WDR45B: variants seen among roughly 807,000 people sequenced by gnomAD.
WDR45B encodes WD repeat domain 45B, also known as WD repeat domain phosphoinositide-interacting protein 3.
Under a neutral mutation model 44.6 loss-of-function variants are expected in WDR45B, and 20 were observed. That is an observed-to-expected ratio of 0.45 (90% CI 0.32 to 0.65). WDR45B has a LOEUF of 0.65. Among genes scored for constraint, WDR45B ranks in the 30% least tolerant of loss-of-function variants. The probability of loss-of-function intolerance (pLI) is 0.05; values close to 1 mark genes in which losing one functional copy is unlikely to be tolerated. For missense variants in WDR45B, 323 were observed against 430.2 expected (o/e 0.75, Z 2.20); for synonymous variants, 169 against 164.9 (o/e 1.02, Z -0.19).
intron 6 of WDR45B, among the ~76,000 whole-genome samples, chr17:82,621,273 C>A: frequency 6.6e-6 from 1 of 152,114 alleles, no homozygotes. Flanking sequence ...AGGCTGGTTT[C>A]GAACATCTGA....
At chr17:82,617,950 A>G (rs7207504) in intron 7 of WDR45B, among the ~76,000 whole-genome samples, 4,627 of 149,206 alleles carry the variant, frequency 0.031, 240 homozygotes, top group African/African-American at 0.11. Context: ...TTTTTTTGAG[A>G]CAGAGTCTCG....
chr17:82,615,845 C>T lies in WDR45B; in HGVS notation c.*74G>A, dbSNP rs1598255208. On this transcript the variant is annotated 3_prime_UTR_variant, in exon 10 of 10. Transcript: ENST00000392325. ...CCCTCCAGCCCGTGGCCCAGGAGGC[C>T]CCTGGGGCACTGGCACCAGCCCCGA... 6.9e-7 allele frequency: 1 copy of T among 1,440,202 alleles called. No individual in the cohort carries two copies. Among genetic ancestry groups the T allele is most frequent in the Non-Finnish European group, 9.8e-7 (1 of 1,024,950 alleles). 89.2% of individuals were successfully genotyped at this position (1,440,202 alleles called of 1,614,324 possible).
At chr17:82,645,315 T>G (rs12951801) in intron 1 of WDR45B, among the ~76,000 whole-genome samples, 1 of 145,852 alleles carries the variant, frequency 6.9e-6, no homozygotes, top group Non-Finnish European at 1.5e-5. Context: ...AAAACAAAAA[T>G]AAAAAATAAA....
intron 2 of WDR45B, among the ~76,000 whole-genome samples, chr17:82,633,076 T>C (rs1332167162): frequency 1.3e-5 from 2 of 148,744 alleles, no homozygotes; most frequent in East Asian, 4.0e-4. Context: ...GGCAGGAGAA[T>C]CGCTTGAGCC....
At chr17:82,625,018 A>G (rs1453287981) in intron 5 of WDR45B, among the ~76,000 whole-genome samples, 1 of 152,232 alleles carries the variant, frequency 6.6e-6, no homozygotes, top group African/African-American at 2.4e-5. Flanking sequence ...ATGGTACAAT[A>G]AATGACAAAG....
At chr17:82,634,124 C>G (rs969187687) in intron 2 of WDR45B, among the ~76,000 whole-genome samples, 1 of 118,638 alleles carries the variant, frequency 8.4e-6, no homozygotes, top group African/African-American at 3.4e-5. Flanking sequence ...GCACGCCAGC[C>G]TGGGTGACAC....
intron 7 of WDR45B, among the ~76,000 whole-genome samples, chr17:82,617,932 C>T (rs1195416915): frequency 3.5e-5 from 5 of 143,698 alleles, no homozygotes; most frequent in Non-Finnish European, 6.1e-5. Context: ...CATTTTCTTT[C>T]TTTTTTTTTT....
chr17:82,636,016 G>A (rs1355012716), intron 2 of WDR45B, among the ~76,000 whole-genome samples: 1 of 151,988 alleles, frequency 6.6e-6, no homozygotes, highest in African/African-American at 2.4e-5. Context: ...GAACCCGGGA[G>A]GCAGAGGGTG....
In WDR45B at chr17:82,632,355, C is replaced by T. The variant is rs11650392; in HGVS notation, c.143-1333G>A. On this transcript the variant is annotated intron_variant, in intron 2 of 9. Coordinates refer to ENST00000392325, the MANE Select transcript of WDR45B (RefSeq NM_019613.4). ...TTTTTCAGAAAAGTTTTTGTAGAGG[C>T]GAGGTCATACTGTATTGCCCAGGCT... 6.8e-3 allele frequency among the ~76,000 whole-genome samples: 1,041 copies of T among 152,040 alleles called. 5 individuals are homozygous for T. The highest frequency in any genetic ancestry group is 0.011 in the Non-Finnish European group (743 of 67,998).
In WDR45B at chr17:82,626,558, A is replaced by AAG. The variant is rs60177259; in HGVS notation, c.332+645_332+646insCT. The stretch of plus-strand genomic sequence containing the variant: ...CAAAAAAAAAAAAAAAAAAAAAAAA[A>AAG]GGGCAGGGAGGTGAAATGACCTCTG... On this transcript the variant is annotated intron_variant, in intron 4 of 9. Coordinates refer to ENST00000392325, the MANE Select transcript of WDR45B (RefSeq NM_019613.4). 8.0e-5 allele frequency among the ~76,000 whole-genome samples: 12 copies of AAG among 149,594 alleles called. No homozygotes were observed. The South Asian group carries it at 1.9e-3, about 24-fold the overall frequency.
At chr17:82,633,088 G>A (rs1215967463) in intron 2 of WDR45B, among the ~76,000 whole-genome samples, 6 of 151,226 alleles carry the variant, frequency 4.0e-5, no homozygotes, top group African/African-American at 7.3e-5. Context: ...GCTTGAGCCC[G>A]GGAGGCAGAG....
At chr17:82,647,599 G>A (rs1441764726) in intron 1 of WDR45B, among the ~76,000 whole-genome samples, 1 of 152,154 alleles carries the variant, frequency 6.6e-6, no homozygotes, top group Non-Finnish European at 1.5e-5. Context: ...TTCCCTCAAA[G>A]GCCTCCCTTA....
intron 6 of WDR45B, 39 bp from the exon 7 acceptor site, chr17:82,619,167 A>G: frequency 6.2e-7 from 1 of 1,602,398 alleles, no homozygotes; most frequent in South Asian, 1.1e-5. Context: ...TCAAAGATTC[A>G]AAACTTTTTC....
chr17:82,634,083 G>A (rs946742321), intron 2 of WDR45B, among the ~76,000 whole-genome samples: 11 of 138,632 alleles, frequency 7.9e-5, no homozygotes, highest in Middle Eastern at 4.9e-3. Flanking sequence ...CCCGGGAAGC[G>A]GACGTTGCAG....
At chr17:82,644,394 A>G in intron 1 of WDR45B, 1 of 344,220 alleles carries the variant, frequency 2.9e-6, no homozygotes, top group South Asian at 2.5e-5. Context: ...AGGTGAAGGG[A>G]AGGGCAGGGT....
chr17:82,638,854 C>T (rs368795057), intron 2 of WDR45B, among the ~76,000 whole-genome samples: 1 of 151,972 alleles, frequency 6.6e-6, no homozygotes, highest in Non-Finnish European at 1.5e-5. Flanking sequence ...GACAGAGTCT[C>T]GCTCTGTCAC....
intron 2 of WDR45B, among the ~76,000 whole-genome samples, chr17:82,632,029 C>T (rs953298399): frequency 1.3e-5 from 2 of 151,222 alleles, no homozygotes; most frequent in East Asian, 1.9e-4. Context: ...TGCAGTGAGC[C>T]GAGATCACAC....
At position 82,615,809 on chromosome 17, in the gene WDR45B, C is replaced by G. The variant is rs143181998; in HGVS notation, c.*110G>C. The G allele has an allele frequency of 4.9e-4, 468 of 962,624 alleles. 3 individuals are homozygous for G. In the African/African-American group the frequency reaches 6.0e-3, roughly 12 times the overall value. 59.6% of individuals were successfully genotyped at this position (962,624 alleles called of 1,614,324 possible). A position where few individuals can be genotyped will look rare whatever the true frequency, so the allele number is the denominator to read the frequency against. ...CCACGTATGGCTTCGAGACCAAGGT[C>G]CCTGGGCAGCCCCTCCAGCCCGTGG... is the stretch of plus-strand genomic sequence containing the variant. On this transcript the variant is annotated 3_prime_UTR_variant, in exon 10 of 10. Coordinates refer to ENST00000392325, the MANE Select transcript of WDR45B (RefSeq NM_019613.4).
Position 82,648,444 on chromosome 17 carries a change from T to A in WDR45B, c.-104A>T. 5.7e-6 allele frequency: 8 copies of A among 1,412,564 alleles called. No homozygotes were observed. The South Asian group carries it at 1.0e-4, about 18-fold the overall frequency. The allele number at this position is 1,412,564 out of a possible 1,614,324, so 87.5% of individuals were successfully genotyped here. A position where few individuals can be genotyped will look rare whatever the true frequency, so the allele number is the denominator to read the frequency against. On this transcript the variant is annotated 5_prime_UTR_variant, in exon 1 of 10. Transcript: ENST00000392325. The stretch of plus-strand genomic sequence containing the variant: ...GCGCTGAGGCCGCCGCGGCCGGAAG[T>A]GCCGGACGTACGTGCGTGCGTGCTG...
Sources: gnomAD v4.1 joint callset for allele counts (sites outside exome capture counted in the v4.1 genomes callset) on GRCh38, gnomAD v4.1.1 for gene constraint, MANE v1.5 for transcripts, NCBI Gene and HGNC (gene_info 2026-07-23, HGNC 2026-07-21) for gene names.